STARD13: variants seen among roughly 807,000 people sequenced by gnomAD.
The protein encoded by STARD13 is StAR related lipid transfer domain containing 13, also known as stAR-related lipid transfer protein 13.
Under a neutral mutation model 106.4 loss-of-function variants are expected in STARD13, and 62 were observed. The ratio of observed to expected loss-of-function variants is 0.58; its 90% confidence interval spans 0.48 to 0.72. The LOEUF is 0.72. STARD13 is among the 30% of genes least tolerant of loss of function. STARD13 has a pLI of 0.00. For missense variants in STARD13, 1,387 were observed against 1,424.0 expected (o/e 0.97, Z 0.42); for synonymous variants, 565 against 553.0 (o/e 1.02, Z -0.31).
chr13:33,130,919 G>A lies in STARD13; in HGVS notation c.388-630C>T, dbSNP rs1049644338. ...GAGATCGCTATTTGTGATCCAATCC[G>A]GCTACTCTGCATGAGCGTCTTTTTC... On this transcript the variant is annotated intron_variant, in intron 4 of 13. Coordinates refer to ENST00000336934, the MANE Select transcript of STARD13 (RefSeq NM_178006.4). This position sits in a 1 kb window ranked among gnomAD's most constrained non-coding sequence, Gnocchi z 4.1. Among the ~76,000 whole-genome samples the A allele has an allele frequency of 6.6e-6, 1 of 152,206 alleles. No individual in the cohort carries two copies. The highest frequency in any genetic ancestry group is 2.4e-5 in the African/African-American group (1 of 41,450).
the STARD13 span, among the ~76,000 whole-genome samples, chr13:33,656,192 A>G: frequency 6.6e-6 from 1 of 152,222 alleles, no homozygotes; most frequent in Non-Finnish European, 1.5e-5. Flanking sequence ...GATTTGATAT[A>G]GTCTGGTTTC....
the STARD13 span, among the ~76,000 whole-genome samples, chr13:33,440,766 G>A: frequency 5.0e-5 from 5 of 99,654 alleles, no homozygotes; most frequent in East Asian, 6.4e-4. Context: ...GGAAAACAGC[G>A]ATTTTTTTTT....
At chr13:33,105,803 T>C (rs9568847) in intron 13 of STARD13, 93 bp from the exon 14 acceptor site, 218,580 of 1,037,418 alleles carry the variant, frequency 0.21, 24,549 homozygotes, top group East Asian at 0.33. Flanking sequence ...TGGGCCCCGA[T>C]GACCAGTGAA....
At chr13:33,545,600 G>C in the STARD13 span, among the ~76,000 whole-genome samples, 1 of 152,140 alleles carries the variant, frequency 6.6e-6, no homozygotes, top group Admixed American at 6.5e-5. Flanking sequence ...TTGGAGGTGG[G>C]GCTTAATGGG....
chr13:33,440,629 T>C, the STARD13 span, among the ~76,000 whole-genome samples: 1 of 151,836 alleles, frequency 6.6e-6, no homozygotes, highest in Non-Finnish European at 1.5e-5. Flanking sequence ...TTGTTAGGGA[T>C]GGGTGCTGGC....
intron 1 of STARD13, among the ~76,000 whole-genome samples, chr13:33,223,937 C>T (rs904704025): frequency 2.0e-5 from 3 of 152,120 alleles, no homozygotes; most frequent in African/African-American, 7.2e-5. Flanking sequence ...CCATTATTCT[C>T]CCTAGCTTTA....
chr13:33,521,060 C>T, the STARD13 span, among the ~76,000 whole-genome samples: 1 of 152,096 alleles, frequency 6.6e-6, no homozygotes, highest in Admixed American at 6.6e-5. Context: ...CATCTCCAAC[C>T]AACGCACAGT....
the STARD13 span, among the ~76,000 whole-genome samples, chr13:33,427,410 C>T: frequency 6.6e-6 from 1 of 152,116 alleles, no homozygotes; most frequent in African/African-American, 2.4e-5. Flanking sequence ...GTTAAGGAAA[C>T]CAATAATCCC....
intron 3 of STARD13, among the ~76,000 whole-genome samples, chr13:33,151,410 A>C (rs1330865276): frequency 1.3e-5 from 2 of 152,080 alleles, no homozygotes; most frequent in Non-Finnish European, 2.9e-5. Context: ...GAGAGATAGA[A>C]AAGGGGAAGG....
At chr13:33,183,427 A>C (rs1328946613) in intron 1 of STARD13, among the ~76,000 whole-genome samples, 1 of 152,208 alleles carries the variant, frequency 6.6e-6, no homozygotes, top group African/African-American at 2.4e-5. Flanking sequence ...TTGGCAAAGG[A>C]AACTTCTGCC....
chr13:33,188,256 A>G (rs968380192), intron 1 of STARD13: 2 of 152,154 alleles, frequency 1.3e-5, no homozygotes, highest in African/African-American at 4.8e-5. Context: ...TCTGCCCTCA[A>G]TGTGAGTAGG....
At chr13:33,472,648 A>G in the STARD13 span, among the ~76,000 whole-genome samples, 3 of 152,308 alleles carry the variant, frequency 2.0e-5, no homozygotes, top group South Asian at 4.1e-4. Context: ...TATGTCAGCT[A>G]TGGAGCTCAG....
rs1853951280 is a variant in STARD13, at chr13:33,103,480, A to G, written c.*2113T>C. The G allele has an allele frequency of 1.3e-5, 2 of 152,782 alleles. No individual in the cohort carries two copies. The highest frequency in any genetic ancestry group is 4.1e-4 in the South Asian group (2 of 4,830). 9.5% of individuals were successfully genotyped at this position (152,782 alleles called of 1,614,324 possible). ...CGAAGAGAGGGAGAATCAGAAATACAATCACATTTGTTCTTATTCTGTTTT... is the reference window on the plus strand; with the variant it reads ...CGAAGAGAGGGAGAATCAGAAATACGATCACATTTGTTCTTATTCTGTTTT... On this transcript the variant is annotated 3_prime_UTR_variant, in exon 14 of 14. Transcript: ENST00000336934.
the STARD13 span, among the ~76,000 whole-genome samples, chr13:33,479,975 CTTT>C: frequency 2.6e-5 from 4 of 152,148 alleles, no homozygotes; most frequent in South Asian, 8.3e-4. Flanking sequence ...AATTAAACCT[CTTT>C]TCTTTATAAA....
At chr13:33,302,534 A>T (rs1331069646) in intron 1 of STARD13, among the ~76,000 whole-genome samples, 17 of 152,144 alleles carry the variant, frequency 1.1e-4, no homozygotes, top group Admixed American at 7.9e-4. Context: ...TTCCCACTTC[A>T]GCCTCCCAAG....
the STARD13 span, among the ~76,000 whole-genome samples, chr13:33,372,040 T>C: frequency 6.6e-6 from 1 of 152,228 alleles, no homozygotes; most frequent in South Asian, 2.1e-4. Flanking sequence ...TGTTCATGTG[T>C]AACCCCTTTT....
chr13:33,561,818 C>T, the STARD13 span, among the ~76,000 whole-genome samples: 1 of 146,206 alleles, frequency 6.8e-6, no homozygotes, highest in East Asian at 2.0e-4. Flanking sequence ...TTATAATGAC[C>T]CCACCCTAGG....
At chr13:33,112,678 G>T (rs767210757) in intron 9 of STARD13, 43 bp downstream of exon 9, 2 of 1,468,722 alleles carry the variant, frequency 1.4e-6, no homozygotes, top group South Asian at 1.3e-5. Context: ...CTGTGGGAAT[G>T]CCTGCTTTGG....
At chr13:33,370,064 G>C in the STARD13 span, among the ~76,000 whole-genome samples, 1 of 152,154 alleles carries the variant, frequency 6.6e-6, no homozygotes, top group Non-Finnish European at 1.5e-5. Context: ...ACAATTTATA[G>C]CTTCTCTGGT....
Sources: allele counts gnomAD v4.1 joint callset (sites outside exome capture counted in the v4.1 genomes callset), GRCh38; gene constraint gnomAD v4.1.1; non-coding constraint Gnocchi (gnomAD v3.1); transcripts MANE v1.5; gene names NCBI Gene and HGNC (gene_info 2026-07-23, HGNC 2026-07-21).